The following TMEM201 variants were observed in gnomAD, a reference collection of about 807,000 sequenced individuals.
TMEM201 encodes the protein RP13-15M17.2.
In TMEM201, 26 loss-of-function variants were observed where a neutral mutation model predicts 63.4. The ratio of observed to expected loss-of-function variants is 0.41; its 90% CI spans 0.30 to 0.57. TMEM201 has a LOEUF of 0.57. Ranked by LOEUF, TMEM201 falls within the 20% of genes least tolerant of loss-of-function variation. The pLI is 0.29. For missense variants in TMEM201, 794 were observed against 917.7 expected, an observed-to-expected ratio of 0.87 and a Z score of 1.74; for synonymous variants, 417 against 421.6, an observed-to-expected ratio of 0.99 and a Z score of 0.14.
rs1386904663 is a variant in TMEM201 at position 9,604,470 on chromosome 1, G to A, written c.1160+2198G>A. 8 of 985,288 alleles carry A rather than the reference G, an allele frequency of 8.1e-6. No homozygotes were observed. The highest frequency in any genetic ancestry group is 9.6e-6 in the Non-Finnish European group (8 of 829,940). 61.0% of individuals were successfully genotyped at this position (985,288 alleles called of 1,614,324 possible). On this transcript the variant is annotated intron_variant, in intron 6 of 10. Coordinates refer to ENST00000340381, the MANE Select transcript of TMEM201 (RefSeq NM_001130924.3). The surrounding 1 kb of genome is among the most constrained non-coding windows in gnomAD (Gnocchi z 4.1). ...AGAAAATTCCAGCACCAAGTGTTGT[G>A]GCAACAGCTGAGAGAGTGCAGGCAC...
At chr1:9,600,990 C>A (rs1283953192) in intron 4 of TMEM201, 115 bp from the exon 5 acceptor site, 1 of 921,170 alleles carries the variant, frequency 1.1e-6, no homozygotes, top group Non-Finnish European at 1.6e-6. Context: ...TTGAACCAAG[C>A]CCAGGATGTG....
chr1:9,592,037 G>A (rs1255683318), intron 1 of TMEM201, among the ~76,000 whole-genome samples: 2 of 152,198 alleles, frequency 1.3e-5, no homozygotes, highest in East Asian at 1.9e-4. Flanking sequence ...GGGATGTTCC[G>A]CTCGCACCAG....
At chr1:9,599,282 C>T (rs890579027) in intron 4 of TMEM201, among the ~76,000 whole-genome samples, 12 of 151,886 alleles carry the variant, frequency 7.9e-5, no homozygotes, top group African/African-American at 2.7e-4. Context: ...CAGTTTCACA[C>T]TGTCGCCCAG....
Position 9,614,311 on chromosome 1 carries a change from T to C in TMEM201, c.*1228T>C, listed in dbSNP as rs534338625. 1.3e-5 allele frequency: 2 copies of C among 152,212 alleles called. No individual in the cohort carries two copies. The highest frequency in any genetic ancestry group is 3.9e-4 in the East Asian group (2 of 5,180). The allele number at this position is 152,212 out of a possible 1,614,324, so 9.4% of individuals were successfully genotyped here. A position where few individuals can be genotyped will look rare whatever the true frequency, so the allele number is the denominator to read the frequency against. On this transcript the variant is annotated 3_prime_UTR_variant, in exon 11 of 11. Coordinates refer to ENST00000340381, the MANE Select transcript of TMEM201 (RefSeq NM_001130924.3). ...TCTACACATTTTGCCAGGTCAGGCATTTTGCTAGTAAGCAGGATGCCCCCA... is the reference window on the plus strand; with the variant it reads ...TCTACACATTTTGCCAGGTCAGGCACTTTGCTAGTAAGCAGGATGCCCCCA...
At chr1:9,611,199 C>CTTTTT in intron 9 of TMEM201, 1 of 367,320 alleles carries the variant, frequency 2.7e-6, no homozygotes, top group South Asian at 2.6e-5. Context: ...TGTAGATTTC[C>CTTTTT]TTTTTTTTTT....
intron 6 of TMEM201, among the ~76,000 whole-genome samples, chr1:9,606,851 G>A (rs1259614072): frequency 2.0e-5 from 3 of 152,232 alleles, no homozygotes; most frequent in Non-Finnish European, 4.4e-5. Flanking sequence ...GGTCGTGGAT[G>A]GGTCTCTTCT....
rs1252950646 is a variant in TMEM201, at chr1:9,604,687, A to G, written c.1160+2415A>G. Reference sequence around the variant, plus strand: ...ACCCTCAGACTTGAGGTCCCCACCCAGGCCAAGCCGGCCCCCCGTACCCCT... The same window carrying G: ...ACCCTCAGACTTGAGGTCCCCACCCGGGCCAAGCCGGCCCCCCGTACCCCT... On this transcript the variant is annotated intron_variant, in intron 6 of 10. Transcript: ENST00000340381. This position sits in a 1 kb window ranked among gnomAD's most constrained non-coding sequence, Gnocchi z 4.1. The G allele has an allele frequency of 1.0e-6, 1 of 985,806 alleles. No individual in the cohort carries two copies. Among genetic ancestry groups the G allele is most frequent in the Non-Finnish European group, 1.2e-6 (1 of 829,986 alleles). The allele number at this position is 985,806 out of a possible 1,614,324, so 61.1% of individuals were successfully genotyped here.
chr1:9,613,959 C>T lies in TMEM201; in HGVS notation c.*876C>T, dbSNP rs1386212909. The stretch of plus-strand genomic sequence containing the variant: ...CCAGCCCCTGAGAACTCCATCTTCC[C>T]CTAGTTCTGCCCAGGAGCCCCTGAG... On this transcript the variant is annotated 3_prime_UTR_variant, in exon 11 of 11. Coordinates refer to ENST00000340381, the MANE Select transcript of TMEM201 (RefSeq NM_001130924.3). The T allele has an allele frequency of 4.6e-5, 7 of 152,380 alleles. No individual in the cohort carries two copies. Among genetic ancestry groups the T allele is most frequent in the Admixed American group, 4.6e-4 (7 of 15,288 alleles). 9.4% of individuals were successfully genotyped at this position (152,380 alleles called of 1,614,324 possible). A position where few individuals can be genotyped will look rare whatever the true frequency, so the allele number is the denominator to read the frequency against.
chr1:9,598,141 C>T (rs1197725839), intron 3 of TMEM201, among the ~76,000 whole-genome samples: 3 of 152,212 alleles, frequency 2.0e-5, no homozygotes, highest in African/African-American at 7.2e-5. Flanking sequence ...TGGAGCTCTG[C>T]ATCTGGGGAG....
rs193123444 is a variant in TMEM201 at position 9,595,047 on chromosome 1, C to T, written c.114-843C>T. Among the ~76,000 whole-genome samples the T allele has an allele frequency of 5.8e-3, 876 of 152,288 alleles. 7 individuals carry two copies. Among genetic ancestry groups the T allele is most frequent in the African/African-American group, 0.02 (840 of 41,544 alleles). On this transcript the variant is annotated intron_variant, in intron 1 of 10. Coordinates refer to ENST00000340381, the MANE Select transcript of TMEM201 (RefSeq NM_001130924.3). ...GAGAGTCGGAGCAGCAAAGCCGGGG[C>T]CCCAGGGCTCCCACAGCTGCTGCCT... is the stretch of plus-strand genomic sequence containing the variant.
At chr1:9,595,711 C>T (rs1384418583) in intron 1 of TMEM201, among the ~76,000 whole-genome samples, 179 bp from the exon 2 acceptor site, 1 of 151,642 alleles carries the variant, frequency 6.6e-6, no homozygotes, top group African/African-American at 2.4e-5. Context: ...GCGTTCCTCT[C>T]CTTCAGAGCC....
Position 9,607,523 on chromosome 1 carries a change from C to A in TMEM201, c.1161-34C>A. The A allele has an allele frequency of 6.6e-7, 1 of 1,511,598 alleles. No individual in the cohort carries two copies. Among genetic ancestry groups the A allele is most frequent in the Non-Finnish European group, 8.9e-7 (1 of 1,121,190 alleles). The allele number at this position is 1,511,598 out of a possible 1,614,324, so 93.6% of individuals were successfully genotyped here. On this transcript the variant is annotated intron_variant, in intron 6 of 10. Coordinates refer to ENST00000340381, the MANE Select transcript of TMEM201 (RefSeq NM_001130924.3). The surrounding 1 kb of genome is among the most constrained non-coding windows in gnomAD (Gnocchi z 5.4). ...CTGCCTCCAGGACCTCCCGCTGACC[C>A]TCTTCTTGTCCCGTGCCTGACGGGC...
intron 1 of TMEM201, among the ~76,000 whole-genome samples, chr1:9,594,337 G>T (rs999655040): frequency 6.6e-6 from 1 of 152,236 alleles, no homozygotes. Flanking sequence ...GCTGGGGCAG[G>T]GGGTGTGGGG....
At position 9,601,301 on chromosome 1, in the gene TMEM201, C is replaced by T. The variant is rs1193363592; in HGVS notation, c.803C>T (p.Ala268Val). 2 of 1,610,152 alleles carry T rather than the reference C, an allele frequency of 1.2e-6. No homozygotes were observed. The highest frequency in any genetic ancestry group is 1.3e-5 in the African/African-American group (1 of 75,064). ...CCTGACAATGGCACCACCCCTGGGGCCGAGGGCTGGCGGCAGTTGCTGGGC... is the reference window on the plus strand; with the variant it reads ...CCTGACAATGGCACCACCCCTGGGGTCGAGGGCTGGCGGCAGTTGCTGGGC... ...ATPDNGTTPG[A>V]EGWRQLLGLL... is the part of the protein sequence containing the mutation. Residue 268 changes from alanine (A) to valine (V), a missense_variant, in exon 5 of 11, where the codon GCC becomes GTC. Ala to Val is a moderately conservative substitution (Grantham distance 64, BLOSUM62 0). Transcript: ENST00000340381.
intron 10 of TMEM201, 116 bp downstream of exon 10, chr1:9,612,006 GAGTGGCC>G: frequency 1.6e-6 from 2 of 1,275,162 alleles, no homozygotes; most frequent in Non-Finnish European, 2.1e-6. Flanking sequence ...TGCAGTCCCT[GAGTGGCC>G]GACAAGTAAC....
At chr1:9,592,512 C>T (rs1178612349) in intron 1 of TMEM201, among the ~76,000 whole-genome samples, 1 of 152,154 alleles carries the variant, frequency 6.6e-6, no homozygotes, top group Non-Finnish European at 1.5e-5. Flanking sequence ...AGTGCCCCCT[C>T]TAGCAGGTTC....
chr1:9,589,732 A>G (rs1001590082), intron 1 of TMEM201, among the ~76,000 whole-genome samples: 6 of 152,262 alleles, frequency 3.9e-5, no homozygotes, highest in Non-Finnish European at 8.8e-5. Context: ...CGCCAGGCAT[A>G]AAAGCTTAGT....
At chr1:9,602,040 C>G in intron 5 of TMEM201, 29 bp from the exon 6 acceptor site, 1 of 1,604,130 alleles carries the variant, frequency 6.2e-7, no homozygotes, top group South Asian at 1.1e-5. Flanking sequence ...TTGTCCTCCC[C>G]TGGGGTGACC....
At position 9,596,868 on chromosome 1, in the gene TMEM201, T is replaced by C; in HGVS notation, c.244T>C (p.Tyr82His). 1 of 1,587,406 alleles carries C rather than the reference T, an allele frequency of 6.3e-7. No individual in the cohort carries two copies. The highest frequency in any genetic ancestry group is 2.3e-5 in the East Asian group (1 of 44,028). The change falls in exon 3 of 11, where the codon TAC (tyrosine) becomes CAC (histidine). Residue 82 changes from tyrosine (Y) to histidine (H), a missense_variant. By Grantham distance (83) the Tyr-to-His change is moderately conservative. Coordinates refer to ENST00000340381, the MANE Select transcript of TMEM201 (RefSeq NM_001130924.3). Reference sequence around the variant, plus strand: ...CACCTCTCTCCCGCAGAACGGCGACTACAACAAGCCGATCCCCGCCCAGTA... The same window carrying C: ...CACCTCTCTCCCGCAGAACGGCGACCACAACAAGCCGATCCCCGCCCAGTA... ...QYNGFQENGDYNKPIPAQYLE... is the reference protein window; with the variant it reads ...QYNGFQENGDHNKPIPAQYLE...
Sources: gnomAD v4.1 joint callset for allele counts (sites outside exome capture counted in the v4.1 genomes callset) on GRCh38, gnomAD v4.1.1 for gene constraint, Gnocchi (gnomAD v3.1) non-coding constraint, MANE v1.5 for transcripts, NCBI Gene and HGNC (gene_info 2026-07-23, HGNC 2026-07-21) for gene names.